Variants in CA1 observed in about 807,000 individuals in gnomAD.
CA1 encodes carbonate dehydratase I.
In CA1, 27 loss-of-function variants were observed where a neutral mutation model predicts 28.8. The observed-to-expected ratio is 0.94, with a 90% CI of 0.69 to 1.29. The LOEUF (loss-of-function observed/expected upper bound fraction) is 1.29, where lower values mean the gene tolerates loss of function less well. Ranked by LOEUF, CA1 falls within the 50% of genes most tolerant of loss-of-function variation. CA1 has a pLI of 0.00. For missense variants in CA1, 335 were observed against 310.5 expected (o/e 1.08, Z -0.59); for synonymous variants, 121 against 108.8 (o/e 1.11, Z -0.70).
At chr8:85,370,775 A>G (rs1810192624) in intron 1 of CA1, among the ~76,000 whole-genome samples, 1 of 152,158 alleles carries the variant, frequency 6.6e-6, no homozygotes, top group Non-Finnish European at 1.5e-5. Flanking sequence ...TTTTCTCAGA[A>G]ATTATTTTAA....
chr8:85,347,193 T>C (rs1320403111), intron 1 of CA1, among the ~76,000 whole-genome samples: 2 of 152,228 alleles, frequency 1.3e-5, no homozygotes, highest in Non-Finnish European at 2.9e-5. Context: ...TAATGACATG[T>C]CTTTTCTTAA....
chr8:85,358,166 G>T (rs1809667428), intron 1 of CA1, among the ~76,000 whole-genome samples: 1 of 152,154 alleles, frequency 6.6e-6, no homozygotes, highest in Admixed American at 6.5e-5. Flanking sequence ...CTACTTACAA[G>T]GAGGAAGGCA....
chr8:85,365,920 G>A (rs1809987335), intron 1 of CA1, among the ~76,000 whole-genome samples: 1 of 152,146 alleles, frequency 6.6e-6, no homozygotes, highest in South Asian at 2.1e-4. Context: ...TCTAGGTACA[G>A]GGTTGATGTT....
At chr8:85,344,424 G>A (rs182261367) in intron 1 of CA1, among the ~76,000 whole-genome samples, 2 of 146,368 alleles carry the variant, frequency 1.4e-5, no homozygotes, top group Non-Finnish European at 3.0e-5. Flanking sequence ...TAAATTTAGG[G>A]TACTAAATAT....
At chr8:85,373,068 T>G (rs79995300) in intron 1 of CA1, among the ~76,000 whole-genome samples, 1,569 of 152,264 alleles carry the variant, frequency 0.01, 26 homozygotes, top group African/African-American at 0.034. Flanking sequence ...TATACTGAGG[T>G]TGCTAAGATC....
At chr8:85,336,806 T>C in intron 4 of CA1, 139 bp downstream of exon 4, 1 of 719,788 alleles carries the variant, frequency 1.4e-6, no homozygotes, top group Non-Finnish European at 2.6e-6. Flanking sequence ...CTGTGCTTGA[T>C]TTTAATGGAA....
At chr8:85,338,543 GTTTA>G in intron 2 of CA1, 94 bp from the exon 3 acceptor site, 1 of 900,014 alleles carries the variant, frequency 1.1e-6, no homozygotes, top group South Asian at 1.3e-5. Context: ...TTAGATTAGG[GTTTA>G]TTTCAGTGTA....
chr8:85,332,955 AAG>A (rs1808473051), intron 5 of CA1, among the ~76,000 whole-genome samples: 2 of 152,162 alleles, frequency 1.3e-5, no homozygotes, highest in Non-Finnish European at 2.9e-5. Flanking sequence ...CTATAATTTC[AAG>A]AGTTACTTGG....
chr8:85,331,421 CCTTA>C (rs1457624816), intron 6 of CA1, among the ~76,000 whole-genome samples: 1 of 151,622 alleles, frequency 6.6e-6, no homozygotes, highest in Non-Finnish European at 1.5e-5. Context: ...AAATTTTACC[CCTTA>C]CTTAGCCATC....
At chr8:85,367,208 G>T (rs1446663501) in intron 1 of CA1, among the ~76,000 whole-genome samples, 1 of 152,038 alleles carries the variant, frequency 6.6e-6, no homozygotes, top group Non-Finnish European at 1.5e-5. Context: ...AAGAGGAAAA[G>T]AACGATTTCT....
At chr8:85,338,841 G>A (rs1235072624) in intron 2 of CA1, among the ~76,000 whole-genome samples, 1 of 150,860 alleles carries the variant, frequency 6.6e-6, no homozygotes, top group Non-Finnish European at 1.5e-5. Flanking sequence ...AGCTTCCCAA[G>A]TAGCTGGGAT....
chr8:85,329,878 A>G lies in CA1; in HGVS notation c.514-34T>C, dbSNP rs1403906697. On this transcript the variant is annotated intron_variant, in intron 6 of 7. Coordinates refer to ENST00000523022, the MANE Select transcript of CA1 (RefSeq NM_001128831.4). The stretch of plus-strand genomic sequence containing the variant: ...AAAGAATACATCATTACAGCATGAT[A>G]TAAAATACTTATATGAATATATGTG... The G allele has an allele frequency of 2.7e-6, 4 of 1,509,250 alleles. No homozygotes were observed. In the East Asian group the frequency reaches 9.7e-5, roughly 37 times the overall value. The allele number at this position is 1,509,250 out of a possible 1,614,324, so 93.5% of individuals were successfully genotyped here.
chr8:85,351,718 C>G (rs1266018258), intron 1 of CA1: 2 of 152,192 alleles, frequency 1.3e-5, no homozygotes, highest in Non-Finnish European at 2.9e-5. Context: ...CTTTCAGTCT[C>G]CTTCCTACTT....
At chr8:85,363,541 T>C (rs1444383436) in intron 1 of CA1, among the ~76,000 whole-genome samples, 1 of 152,218 alleles carries the variant, frequency 6.6e-6, no homozygotes, top group Non-Finnish European at 1.5e-5. Context: ...GCCATCCTTA[T>C]CAAAGGTAAG....
intron 1 of CA1, among the ~76,000 whole-genome samples, chr8:85,345,440 T>C (rs749537914): frequency 6.6e-5 from 10 of 152,236 alleles, no homozygotes; most frequent in Non-Finnish European, 1.0e-4. Context: ...GAAATTAATT[T>C]ACTTGCTTAA....
chr8:85,348,320 C>T (rs933872592), intron 1 of CA1, among the ~76,000 whole-genome samples: 2 of 152,098 alleles, frequency 1.3e-5, no homozygotes, highest in Non-Finnish European at 2.9e-5. Context: ...TGGTGACTTG[C>T]TCTGCAGTAG....
chr8:85,360,319 G>C (rs1177238772), intron 1 of CA1, among the ~76,000 whole-genome samples: 2 of 152,180 alleles, frequency 1.3e-5, no homozygotes, highest in East Asian at 1.9e-4. Context: ...AGGCACTGCT[G>C]ACCTTTTCCT....
chr8:85,369,678 A>G (rs1483167553), intron 1 of CA1, among the ~76,000 whole-genome samples: 1 of 152,148 alleles, frequency 6.6e-6, no homozygotes, highest in African/African-American at 2.4e-5. Context: ...TACTTAAGAG[A>G]AAGCATGGGA....
intron 1 of CA1, among the ~76,000 whole-genome samples, chr8:85,346,459 G>T (rs972557361): frequency 2.0e-5 from 3 of 152,106 alleles, no homozygotes; most frequent in Admixed American, 6.6e-5. Context: ...ATGCATTAAT[G>T]ATTTATAAAG....
Sources: gnomAD v4.1 joint callset for allele counts (sites outside exome capture counted in the v4.1 genomes callset) on GRCh38, gnomAD v4.1.1 for gene constraint, MANE v1.5 for transcripts, NCBI Gene and HGNC (gene_info 2026-07-23, HGNC 2026-07-21) for gene names.